The following TENM3 variants were observed in gnomAD, a reference collection of about 807,000 sequenced individuals.
TENM3 encodes teneurin transmembrane protein 3.
In TENM3, 63 loss-of-function variants were observed where a neutral mutation model predicts 255.1. That is an observed-to-expected ratio of 0.25 (90% CI 0.20 to 0.30). TENM3 has a LOEUF of 0.30. Ranked by LOEUF, TENM3 falls within the 10% of genes least tolerant of loss-of-function variation. The pLI, the probability that TENM3 is intolerant of heterozygous loss-of-function variation, is 1.00. For missense variants in TENM3, 2,929 were observed against 3,461.1 expected (o/e 0.85, Z 3.86); for synonymous variants, 1,306 against 1,322.3 (o/e 0.99, Z 0.27).
At chr4:182,408,575 T>C (rs1003369967) in intron 3 of TENM3, among the ~76,000 whole-genome samples, 13 of 152,310 alleles carry the variant, frequency 8.5e-5, no homozygotes, top group Middle Eastern at 3.4e-3. Flanking sequence ...TGCAAGGAAT[T>C]AGAGACAAGG....
intron 1 of TENM3, among the ~76,000 whole-genome samples, chr4:182,163,226 C>T (rs150172401): frequency 1.2e-3 from 182 of 152,250 alleles, no homozygotes; most frequent in African/African-American, 3.9e-3. Context: ...CTAACTGGGC[C>T]TCCTGCCACC....
the TENM3 span, among the ~76,000 whole-genome samples, chr4:181,592,248 T>TAAACAG: frequency 9.4e-5 from 4 of 42,538 alleles, no homozygotes; most frequent in East Asian, 6.6e-4. Context: ...TAAAGCTGTT[T>TAAACAG]AAACACAAAC....
At chr4:182,663,578 A>G (rs760804677) in intron 6 of TENM3, among the ~76,000 whole-genome samples, 64 of 152,196 alleles carry the variant, frequency 4.2e-4, no homozygotes, top group Non-Finnish European at 6.6e-4. Context: ...ATATTCATAG[A>G]TGAATATACC....
chr4:182,607,407 A>C (rs1448791249), intron 4 of TENM3, among the ~76,000 whole-genome samples: 1 of 152,240 alleles, frequency 6.6e-6, no homozygotes, highest in Admixed American at 6.5e-5. Flanking sequence ...TTTTGTAGGT[A>C]GGAACGCCCA....
At chr4:181,888,499 TATATATATATATATATGTATATATATAC>T in the TENM3 span, among the ~76,000 whole-genome samples, 6 of 21,538 alleles carry the variant, frequency 2.8e-4, no homozygotes, top group African/African-American at 4.0e-4. Flanking sequence ...AATGTGTATA[TATATATATATATATATGTATATATATAC>T]ATATATGTGT....
intron 2 of TENM3, among the ~76,000 whole-genome samples, chr4:182,343,828 T>C (rs1764631821): frequency 6.6e-6 from 1 of 152,108 alleles, no homozygotes; most frequent in African/African-American, 2.4e-5. Flanking sequence ...TTTCCAGGGG[T>C]GTTTGCATTA....
intron 3 of TENM3, among the ~76,000 whole-genome samples, chr4:182,442,881 T>C (rs117082600): frequency 0.07 from 9,914 of 141,262 alleles, 405 homozygotes; most frequent in East Asian, 0.17. Context: ...CACACACACA[T>C]ATATATATAT....
At chr4:182,095,177 A>G in the TENM3 span, among the ~76,000 whole-genome samples, 1 of 152,180 alleles carries the variant, frequency 6.6e-6, no homozygotes, top group Non-Finnish European at 1.5e-5. Context: ...ACTGCTGGGT[A>G]TATATCCAAA....
At chr4:182,220,428 C>T (rs1189518598) in intron 1 of TENM3, among the ~76,000 whole-genome samples, 1 of 146,608 alleles carries the variant, frequency 6.8e-6, no homozygotes, top group Non-Finnish European at 1.5e-5. Context: ...AAGAGCAGGG[C>T]CTCATCTCAG....
the TENM3 span, among the ~76,000 whole-genome samples, chr4:182,093,756 C>T: frequency 1.3e-5 from 2 of 152,106 alleles, no homozygotes; most frequent in Non-Finnish European, 2.9e-5. Flanking sequence ...AAACCACCCA[C>T]CAGGGCACGC....
the TENM3 span, among the ~76,000 whole-genome samples, chr4:181,619,638 A>C: frequency 6.6e-6 from 1 of 152,110 alleles, no homozygotes; most frequent in Non-Finnish European, 1.5e-5. Context: ...CATGTTGCTC[A>C]GGCTGGTCTT....
chr4:182,719,386 C>T (rs571842788), intron 13 of TENM3, among the ~76,000 whole-genome samples: 26 of 151,064 alleles, frequency 1.7e-4, no homozygotes, highest in African/African-American at 5.6e-4. Flanking sequence ...CTCAGCCTCC[C>T]GAGTAGCTGG....
At chr4:181,848,529 T>A in the TENM3 span, among the ~76,000 whole-genome samples, 1 of 152,322 alleles carries the variant, frequency 6.6e-6, no homozygotes, top group African/African-American at 2.4e-5. Context: ...AACAGTGTTC[T>A]AGCTGCCTGT....
the TENM3 span, among the ~76,000 whole-genome samples, chr4:181,666,733 C>T: frequency 6.6e-6 from 1 of 152,032 alleles, no homozygotes; most frequent in Non-Finnish European, 1.5e-5. Context: ...TGATCACTGA[C>T]ATTGTTAACA....
chr4:181,812,927 A>C, the TENM3 span, among the ~76,000 whole-genome samples: 3 of 152,132 alleles, frequency 2.0e-5, no homozygotes, highest in African/African-American at 7.2e-5. Context: ...AGTTGGGGGG[A>C]ATAGCTGCCT....
At chr4:182,768,953 TG>T (rs199528582) in intron 22 of TENM3, among the ~76,000 whole-genome samples, 1 of 152,060 alleles carries the variant, frequency 6.6e-6, no homozygotes, top group Non-Finnish European at 1.5e-5. Flanking sequence ...AGGAATGCAA[TG>T]GGGGGCATGA....
the TENM3 span, among the ~76,000 whole-genome samples, chr4:181,816,991 G>T: frequency 1.3e-5 from 2 of 152,166 alleles, no homozygotes; most frequent in East Asian, 1.9e-4. Context: ...GCTGCAAAAG[G>T]TTAAGCATCT....
chr4:182,622,572 A>G (rs186493658), intron 4 of TENM3, among the ~76,000 whole-genome samples: 61 of 152,340 alleles, frequency 4.0e-4, no homozygotes, highest in African/African-American at 8.7e-4. Context: ...TTCAAATCCT[A>G]TCTCCCGTGG....
intron 3 of TENM3, among the ~76,000 whole-genome samples, chr4:182,451,807 G>C (rs17255303): frequency 0.051 from 7,809 of 152,202 alleles, 235 homozygotes; most frequent in South Asian, 0.087. Context: ...GCTCTGATCA[G>C]CAATTAAGAG....
Sources: allele counts gnomAD v4.1 joint callset (sites outside exome capture counted in the v4.1 genomes callset), GRCh38; gene constraint gnomAD v4.1.1; transcripts MANE v1.5; gene names NCBI Gene and HGNC (gene_info 2026-07-23, HGNC 2026-07-21).